The following LRP1B variants were observed in gnomAD, a reference collection of about 807,000 sequenced individuals.
LRP1B encodes low-density lipoprotein receptor-related protein 1B.
In LRP1B, 217 loss-of-function variants were observed where a neutral mutation model predicts 556.6. The observed-to-expected ratio is 0.39, with a 90% CI of 0.35 to 0.44. The LOEUF is 0.44. Among genes scored for constraint, LRP1B ranks in the 20% least tolerant of loss-of-function variants. The pLI, the probability that LRP1B is intolerant of heterozygous loss-of-function variation, is 1.00. For missense variants in LRP1B, 5,053 were observed against 5,620.8 expected (o/e 0.90, Z 3.23); for synonymous variants, 2,047 against 1,865.8 (o/e 1.10, Z -2.50).
chr2:140,862,157 T>G (rs1281518218), intron 27 of LRP1B, among the ~76,000 whole-genome samples: 6 of 152,216 alleles, frequency 3.9e-5, no homozygotes, highest in African/African-American at 1.4e-4. Context: ...GTATCTCAAA[T>G]TCAGCACATT....
At chr2:141,199,450 T>A (rs576870948) in intron 6 of LRP1B, among the ~76,000 whole-genome samples, 2 of 152,212 alleles carry the variant, frequency 1.3e-5, no homozygotes, top group South Asian at 4.1e-4. Context: ...TACTTAAAAA[T>A]CTCCAATGGC....
At chr2:141,126,226 G>T (rs922615302) in intron 7 of LRP1B, among the ~76,000 whole-genome samples, 2 of 151,966 alleles carry the variant, frequency 1.3e-5, no homozygotes, top group African/African-American at 4.8e-5. Flanking sequence ...TAGAGACGGG[G>T]TTTTGCCATA....
intron 27 of LRP1B, among the ~76,000 whole-genome samples, chr2:140,864,874 C>T (rs1168417953): frequency 1.3e-5 from 2 of 151,858 alleles, no homozygotes; most frequent in Non-Finnish European, 2.9e-5. Context: ...AATAACTTGC[C>T]AATAATGTCC....
chr2:140,939,973 C>T (rs1695348757), intron 20 of LRP1B, among the ~76,000 whole-genome samples: 2 of 150,744 alleles, frequency 1.3e-5, no homozygotes, highest in African/African-American at 4.9e-5. Context: ...GCAACCTCCA[C>T]CTCCCAGGTT....
chr2:141,932,435 C>A (rs540223451), intron 1 of LRP1B, among the ~76,000 whole-genome samples: 2 of 151,920 alleles, frequency 1.3e-5, no homozygotes, highest in Non-Finnish European at 2.9e-5. Context: ...TGACTTTGGG[C>A]CTCTGAACAT....
chr2:141,315,887 T>A (rs1027385211), intron 3 of LRP1B, among the ~76,000 whole-genome samples: 2 of 44,870 alleles, frequency 4.5e-5, no homozygotes, highest in East Asian at 9.8e-4. Context: ...CTGGTCTTTT[T>A]TTTTTTTTTT....
At chr2:141,955,308 C>A (rs1332297986) in intron 1 of LRP1B, among the ~76,000 whole-genome samples, 2 of 152,084 alleles carry the variant, frequency 1.3e-5, no homozygotes, top group African/African-American at 4.8e-5. Context: ...TTGTCAACTA[C>A]CACATAATAG....
intron 6 of LRP1B, among the ~76,000 whole-genome samples, chr2:141,213,667 T>A (rs1230561140): frequency 9.9e-5 from 15 of 152,224 alleles, no homozygotes; most frequent in Admixed American, 9.8e-4. Flanking sequence ...GACACCACAT[T>A]ATCTGAGGAC....
chr2:141,433,868 T>C (rs1462360390), intron 3 of LRP1B, among the ~76,000 whole-genome samples: 1 of 150,474 alleles, frequency 6.6e-6, no homozygotes, highest in Non-Finnish European at 1.5e-5. Flanking sequence ...TTTCTCTTTT[T>C]CCTCACCTTC....
At chr2:141,275,034 G>T (rs756776784) in intron 3 of LRP1B, among the ~76,000 whole-genome samples, 1 of 152,078 alleles carries the variant, frequency 6.6e-6, no homozygotes, top group Non-Finnish European at 1.5e-5. Flanking sequence ...GGAAAAAGGC[G>T]AATGATCCAG....
chr2:140,874,213 C>T (rs1438339976), intron 25 of LRP1B, among the ~76,000 whole-genome samples: 1 of 152,060 alleles, frequency 6.6e-6, no homozygotes, highest in Non-Finnish European at 1.5e-5. Flanking sequence ...AAAAAACACA[C>T]AATAAATAAT....
chr2:141,681,655 A>C (rs1321482564), intron 2 of LRP1B, among the ~76,000 whole-genome samples: 2 of 152,166 alleles, frequency 1.3e-5, no homozygotes, highest in Non-Finnish European at 2.9e-5. Context: ...AACAAAGTTA[A>C]TTTTATTCTT....
At position 140,238,294 on chromosome 2, in the gene LRP1B, G is replaced by A. The variant is rs2104882007; in HGVS notation, c.13418C>T (p.Thr4473Ile). 1 of 1,496,958 alleles carries A rather than the reference G, an allele frequency of 6.7e-7. No individual in the cohort carries two copies. Among genetic ancestry groups the A allele is most frequent in the Non-Finnish European group, 9.2e-7 (1 of 1,082,098 alleles). The allele number at this position is 1,496,958 out of a possible 1,614,324, so 92.7% of individuals were successfully genotyped here. ...AATAGGTTGTCTTCTAATTGTTTTT[G>A]TCCTAGAATATATAAACATTAATAT... ...GLVLCKRKRR[T>I]KTIRRQPIIN... Residue 4473 changes from threonine to isoleucine, a missense_variant and splice_region_variant, in exon 89 of 91, where the codon ACA becomes ATA. Physicochemically the swap from Thr to Ile is moderately conservative, Grantham distance 89. Around this residue, in one of 5 missense-constraint regions of LRP1B, gnomAD observed 551 missense variants for 592.0 expected, o/e 0.93. Coordinates refer to ENST00000389484, the MANE Select transcript of LRP1B (RefSeq NM_018557.3).
intron 18 of LRP1B, among the ~76,000 whole-genome samples, chr2:140,972,541 T>C (rs1383970184): frequency 6.6e-6 from 1 of 152,100 alleles, no homozygotes; most frequent in Non-Finnish European, 1.5e-5. Context: ...CAAGCATCTT[T>C]GATGTTCTCA....
At chr2:141,141,972 T>C (rs1701663975) in intron 7 of LRP1B, among the ~76,000 whole-genome samples, 1 of 151,980 alleles carries the variant, frequency 6.6e-6, no homozygotes, top group Admixed American at 6.6e-5. Context: ...AAATGTTATA[T>C]TGTGGGCCAC....
At chr2:140,875,080 G>A (rs1487799490) in intron 25 of LRP1B, among the ~76,000 whole-genome samples, 2 of 149,006 alleles carry the variant, frequency 1.3e-5, no homozygotes, top group African/African-American at 2.5e-5. Flanking sequence ...AGCAATTAAA[G>A]CCTCATATTT....
In LRP1B at chr2:140,796,629, CTG is replaced by C. The variant is rs1690325016; in HGVS notation, c.5359+17026_5359+17027del. Among the ~76,000 whole-genome samples, 4 of 152,026 alleles carry C rather than the reference CTG, an allele frequency of 2.6e-5. No homozygotes were observed. The South Asian group carries it at 8.3e-4, about 31-fold the overall frequency. ...GAATAGTGTTATGGCAATTAGAAGACTGATGGCTTAGAACATTTAGGTAGATG... is the reference window on the plus strand; with the variant it reads ...GAATAGTGTTATGGCAATTAGAAGACATGGCTTAGAACATTTAGGTAGATG... On this transcript the variant is annotated intron_variant, in intron 32 of 90. Transcript: ENST00000389484.
At chr2:140,888,992 A>G (rs558997298) in intron 23 of LRP1B, among the ~76,000 whole-genome samples, 27 of 151,670 alleles carry the variant, frequency 1.8e-4, no homozygotes, top group Non-Finnish European at 3.5e-4. Context: ...TTGAAATGAT[A>G]TATAAGCATT....
At chr2:141,883,501 A>G (rs997253543) in intron 1 of LRP1B, among the ~76,000 whole-genome samples, 1 of 152,200 alleles carries the variant, frequency 6.6e-6, no homozygotes, top group African/African-American at 2.4e-5. Flanking sequence ...GGGCAATTCT[A>G]GGAAGATGCT....
Sources: allele counts gnomAD v4.1 joint callset (sites outside exome capture counted in the v4.1 genomes callset), GRCh38; gene constraint gnomAD v4.1.1; regional missense constraint gnomAD v4.1.1; transcripts MANE v1.5; gene names NCBI Gene and HGNC (gene_info 2026-07-23, HGNC 2026-07-21).